TTF2: variants seen among roughly 807,000 people sequenced by gnomAD.
The protein encoded by TTF2 is transcription termination factor 2.
TTF2 carries 108 observed loss-of-function variants against 142.4 expected under a neutral mutation model. That is an observed-to-expected ratio of 0.76 (90% CI 0.65 to 0.89). The LOEUF (loss-of-function observed/expected upper bound fraction) is 0.89. Among genes scored for constraint, TTF2 ranks in the 40% least tolerant of loss-of-function variants. TTF2 has a pLI of 0.00. For missense variants in TTF2, 1,327 were observed against 1,379.8 expected, an observed-to-expected ratio of 0.96 and a Z score of 0.61; for synonymous variants, 483 against 506.2, an observed-to-expected ratio of 0.95 and a Z score of 0.61.
At chr1:117,060,419 G>A in intron 1 of TTF2, 36 bp from the exon 2 acceptor site, 1 of 1,609,686 alleles carries the variant, frequency 6.2e-7, no homozygotes, top group Non-Finnish European at 8.5e-7. Flanking sequence ...TTGATTTAGC[G>A]TGGCGTAATC....
At chr1:117,095,409 T>C (rs987666213) in intron 19 of TTF2, 42 bp downstream of exon 19, 9 of 1,592,096 alleles carry the variant, frequency 5.7e-6, no homozygotes, top group Non-Finnish European at 7.8e-6. Flanking sequence ...GTCATAATTA[T>C]GTGAGAAAAT....
chr1:117,095,648 C>T (rs1289666), intron 19 of TTF2, among the ~76,000 whole-genome samples: 120,242 of 152,096 alleles, frequency 0.79, 47,816 homozygotes, highest in Middle Eastern at 0.85. Context: ...GTGCTGATAA[C>T]GTTCTTAAGC....
In TTF2 at chr1:117,060,517, G is replaced by C. The variant is rs372801051; in HGVS notation, c.91G>C (p.Val31Leu). Reference sequence around the variant, plus strand: ...CCCGAATAAAGGAAAGAGCTTCTACGTGTGCCGGGCAGACACGTGCAGCTT... The same window carrying C: ...CCCGAATAAAGGAAAGAGCTTCTACCTGTGCCGGGCAGACACGTGCAGCTT... ...DGPNKGKSFY[V>L]CRADTCSFVR... The change falls in exon 2 of 23, where the codon GTG (valine) becomes CTG (leucine). Residue 31 changes from valine (V) to leucine (L), a missense_variant. Coordinates refer to ENST00000369466, the MANE Select transcript of TTF2 (RefSeq NM_003594.4). 7 of 1,613,878 alleles carry C rather than the reference G, an allele frequency of 4.3e-6. No homozygotes were observed. The highest frequency in any genetic ancestry group is 5.9e-6 in the Non-Finnish European group (7 of 1,179,906).
intron 11 of TTF2, among the ~76,000 whole-genome samples, chr1:117,084,400 G>A (rs1647827806): frequency 6.6e-6 from 1 of 152,188 alleles, no homozygotes; most frequent in Non-Finnish European, 1.5e-5. Context: ...CTGTGAGGAG[G>A]CCTGAGATGC....
At position 117,074,957 on chromosome 1, in the gene TTF2, C is replaced by G. The variant is rs200990544; in HGVS notation, c.373C>G (p.Pro125Ala). 1 of 1,613,822 alleles carries G rather than the reference C, an allele frequency of 6.2e-7. No homozygotes were observed. Among genetic ancestry groups the G allele is most frequent in the Admixed American group, 1.7e-5 (1 of 59,946 alleles). Reference protein sequence around the residue: ...FHHSSNWLRNPFKVLDKNQEP... With the variant: ...FHHSSNWLRNAFKVLDKNQEP... ...TCATTCTTCCAACTGGCTGAGAAAT[C>G]CATTCAAGGTACTTGACAAGAATCA... Residue 125 changes from proline to alanine, a missense_variant, in exon 5 of 23, where the codon CCA becomes GCA. Coordinates refer to ENST00000369466, the MANE Select transcript of TTF2 (RefSeq NM_003594.4).
In TTF2 at chr1:117,075,157, T is replaced by C; in HGVS notation, c.573T>C (p.Val191=). Reference sequence around the variant, plus strand: ...TACCAAAGAAAAAACAATCTGTAGTTCAAGAGAAGAAGCAAGAAGAGGGAG... The same window carrying C: ...TACCAAAGAAAAAACAATCTGTAGTCCAAGAGAAGAAGCAAGAAGAGGGAG... ...GLVPKKKQSV[V]QEKKQEEGAE... is the part of the protein sequence containing the mutation. The change falls in exon 5 of 23, where the codon GTT becomes GTC. Residue 191 remains valine (V), a synonymous_variant. Transcript: ENST00000369466. The surrounding 1 kb of genome is among the most constrained non-coding windows in gnomAD (Gnocchi z 4.5). 1 of 1,613,994 alleles carries C rather than the reference T, an allele frequency of 6.2e-7. No individual in the cohort carries two copies. Among genetic ancestry groups the C allele is most frequent in the African/African-American group, 1.3e-5 (1 of 74,962 alleles).
Position 117,075,948 on chromosome 1 carries a change from T to A in TTF2, c.1275+89T>A. Reference sequence around the variant, plus strand: ...ATCTCATTGCTACAGAAGGGTTAAATATGTTCATGTGAAGGTTTTATAGGT... The same window carrying A: ...ATCTCATTGCTACAGAAGGGTTAAAAATGTTCATGTGAAGGTTTTATAGGT... On this transcript the variant is annotated intron_variant, in intron 5 of 22. Transcript: ENST00000369466. The surrounding 1 kb of genome is among the most constrained non-coding windows in gnomAD (Gnocchi z 4.5). 2 of 1,495,390 alleles carry A rather than the reference T, an allele frequency of 1.3e-6. No individual in the cohort carries two copies. The highest frequency in any genetic ancestry group is 1.8e-6 in the Non-Finnish European group (2 of 1,125,786). The allele number at this position is 1,495,390 out of a possible 1,614,324, so 92.6% of individuals were successfully genotyped here. A position where few individuals can be genotyped will look rare whatever the true frequency, so the allele number is the denominator to read the frequency against.
In TTF2 at chr1:117,075,025, G is replaced by C; in HGVS notation, c.441G>C (p.Glu147Asp). Reference protein sequence around the residue: ...LWKQLIKGEGEEKKADKKQRE... With the variant: ...LWKQLIKGEGDEKKADKKQRE... ...AACAGCTCATCAAAGGTGAAGGTGA[G>C]GAAAAGAAGGCTGATAAGAAGCAAA... Residue 147 changes from glutamate to aspartate, a missense_variant, in exon 5 of 23, where the codon GAG (glutamate) becomes GAC (aspartate). Coordinates refer to ENST00000369466, the MANE Select transcript of TTF2 (RefSeq NM_003594.4). The surrounding 1 kb of genome is among the most constrained non-coding windows in gnomAD (Gnocchi z 4.5). 6.2e-7 allele frequency: 1 copy of C among 1,613,926 alleles called. No homozygotes were observed. The highest frequency in any genetic ancestry group is 1.1e-5 in the South Asian group (1 of 91,052).
At position 117,075,356 on chromosome 1, in the gene TTF2, G is replaced by A; in HGVS notation, c.772G>A (p.Val258Ile). The change falls in exon 5 of 23, where the codon GTT (valine) becomes ATT (isoleucine). Residue 258 changes from valine (V) to isoleucine (I), a missense_variant. Val to Ile is a conservative substitution (Grantham distance 29). Coordinates refer to ENST00000369466, the MANE Select transcript of TTF2 (RefSeq NM_003594.4). This position sits in a 1 kb window ranked among gnomAD's most constrained non-coding sequence, Gnocchi z 4.5. The stretch of plus-strand genomic sequence containing the variant: ...AGAATCAGAACCTCTGAGAGAAAAG[G>A]TTACCCAGCTTTTGCCTCAAAATGT... Reference protein sequence around the residue: ...QRESEPLREKVTQLLPQNVHS... With the variant: ...QRESEPLREKITQLLPQNVHS... 6.2e-7 allele frequency: 1 copy of A among 1,614,180 alleles called. No individual in the cohort carries two copies. The highest frequency in any genetic ancestry group is 8.5e-7 in the Non-Finnish European group (1 of 1,180,034).
intron 10 of TTF2, 64 bp downstream of exon 10, chr1:117,082,011 C>T (rs764724171): frequency 2.3e-5 from 37 of 1,609,774 alleles, no homozygotes; most frequent in South Asian, 3.3e-5. Flanking sequence ...AAGAGGGGAA[C>T]GTCTTCAGCT....
At chr1:117,095,244 A>AG (rs1649010922) in intron 18 of TTF2, 65 bp from the exon 19 acceptor site, 1 of 1,511,294 alleles carries the variant, frequency 6.6e-7, no homozygotes, top group Non-Finnish European at 9.2e-7. Flanking sequence ...TTCGCATGGC[A>AG]GGTGAGGGGA....
intron 8 of TTF2, 71 bp downstream of exon 8, chr1:117,078,114 G>A: frequency 1.3e-6 from 2 of 1,568,016 alleles, no homozygotes; most frequent in Non-Finnish European, 1.7e-6. Context: ...ACTGCTGGCA[G>A]AGAGACTTTC....
intron 2 of TTF2, among the ~76,000 whole-genome samples, chr1:117,061,003 C>T (rs980574703): frequency 2.0e-5 from 3 of 152,140 alleles, no homozygotes; most frequent in Non-Finnish European, 4.4e-5. Flanking sequence ...GCTTAAAACA[C>T]TCTAGTGATT....
rs754302846 is a variant in TTF2, at chr1:117,088,876, C to T, written c.2236C>T (p.Arg746Ter). The change falls in exon 13 of 23, where the codon CGA (arginine) becomes TGA (stop). Residue 746 changes from arginine to a stop codon, truncating the protein, a stop_gained. Transcript: ENST00000369466. LOFTEE classifies it high-confidence loss of function. ...TGAAGCTCACAATGTTAAGAATCCC[C>T]GAGTGCAGACTTCCATAGCTGTGTG... is the stretch of plus-strand genomic sequence containing the variant. ...LDEAHNVKNP[R>*]VQTSIAVCKL... 3.7e-6 allele frequency: 6 copies of T among 1,614,184 alleles called. No individual in the cohort carries two copies. The highest frequency in any genetic ancestry group is 2.2e-5 in the East Asian group (1 of 44,878).
Position 117,088,943 on chromosome 1 carries a change from C to T in TTF2, c.2303C>T (p.Pro768Leu). The T allele has an allele frequency of 6.2e-7, 1 of 1,613,128 alleles. No individual in the cohort carries two copies. Among genetic ancestry groups the T allele is most frequent in the Non-Finnish European group, 8.5e-7 (1 of 1,179,680 alleles). The change falls in exon 13 of 23, where the codon CCC (proline) becomes CTC (leucine). Residue 768 changes from proline to leucine, a missense_variant. Physicochemically the swap from Pro to Leu is moderately conservative, Grantham distance 98. Transcript: ENST00000369466. ...GCCCGTTGGGCTGTCACTGGAACCC[C>T]CATTCAAAACAACTTATTGGATATG... ...ACARWAVTGT[P>L]IQNNLLDMYS...
Position 117,085,887 on chromosome 1 carries a change from G to A in TTF2, c.2055-530G>A, listed in dbSNP as rs1248257503. On this transcript the variant is annotated intron_variant, in intron 11 of 22. Coordinates refer to ENST00000369466, the MANE Select transcript of TTF2 (RefSeq NM_003594.4). The surrounding 1 kb of genome is among the most constrained non-coding windows in gnomAD (Gnocchi z 4.7). The stretch of plus-strand genomic sequence containing the variant: ...ACAGCATGTATTTTTATATCTTAAT[G>A]TCAAACTAGATCAGTGAATTTTCAC... Among the ~76,000 whole-genome samples the A allele has an allele frequency of 1.3e-5, 2 of 152,102 alleles. No homozygotes were observed. Among genetic ancestry groups the A allele is most frequent in the Admixed American group, 1.3e-4 (2 of 15,260 alleles).
intron 18 of TTF2, 63 bp from the exon 19 acceptor site, chr1:117,095,246 G>T: frequency 3.2e-6 from 5 of 1,542,008 alleles, no homozygotes; most frequent in Non-Finnish European, 3.6e-6. Flanking sequence ...CGCATGGCAG[G>T]TGAGGGGAGA....
At chr1:117,072,625 A>T (rs939307599) in intron 3 of TTF2, among the ~76,000 whole-genome samples, 1 of 151,898 alleles carries the variant, frequency 6.6e-6, no homozygotes, top group South Asian at 2.1e-4. Flanking sequence ...GGATTTCACC[A>T]TGTTGGCCAG....
At position 117,091,905 on chromosome 1, in the gene TTF2, G is replaced by A. The variant is rs1190418667; in HGVS notation, c.2760G>A (p.Leu920=). The change falls in exon 17 of 23, where the codon TTG becomes TTA. Residue 920 remains leucine (L), a synonymous_variant. Coordinates refer to ENST00000369466, the MANE Select transcript of TTF2 (RefSeq NM_003594.4). ...RSSTVHILSQ[L]LRLRQCCCHL... ...GCACCGTCCACATACTGTCCCAGTTGCTGAGACTCCGCCAGTGTTGCTGTC... is the reference window on the plus strand; with the variant it reads ...GCACCGTCCACATACTGTCCCAGTTACTGAGACTCCGCCAGTGTTGCTGTC... The A allele has an allele frequency of 1.2e-6, 2 of 1,613,138 alleles. No individual in the cohort carries two copies. The highest frequency in any genetic ancestry group is 4.5e-5 in the East Asian group (2 of 44,842).
Sources: allele counts gnomAD v4.1 joint callset (sites outside exome capture counted in the v4.1 genomes callset), GRCh38; gene constraint gnomAD v4.1.1; non-coding constraint Gnocchi (gnomAD v3.1); transcripts MANE v1.5; gene names NCBI Gene and HGNC (gene_info 2026-07-23, HGNC 2026-07-21).